The following AKAP13 variants were observed in gnomAD, a reference collection of about 807,000 sequenced individuals.
The protein encoded by AKAP13 is A-kinase anchor protein 13.
A neutral mutation model predicts 264.5 loss-of-function variants in AKAP13; 80 were observed. The ratio of observed to expected loss-of-function variants is 0.30; its 90% CI spans 0.25 to 0.36. AKAP13 has a LOEUF of 0.36. AKAP13 is among the 10% of genes least tolerant of loss of function. The pLI is 1.00. For synonymous variants in AKAP13, 1,380 were observed against 1,250.2 expected (o/e 1.10, Z -2.19); for missense variants, 3,712 against 3,435.2 (o/e 1.08, Z -2.01).
intron 2 of AKAP13, among the ~76,000 whole-genome samples, chr15:85,516,313 T>C (rs2076596046): frequency 6.6e-6 from 1 of 152,194 alleles, no homozygotes; most frequent in African/African-American, 2.4e-5. Context: ...TGTCCTCCAT[T>C]ATGGCATAAG....
intron 10 of AKAP13, among the ~76,000 whole-genome samples, chr15:85,652,477 G>T (rs192717754): frequency 2.6e-5 from 4 of 152,112 alleles, no homozygotes; most frequent in Non-Finnish European, 5.9e-5. Flanking sequence ...AGTCTTTTTT[G>T]TGTGTTTTAG....
chr15:85,580,114 G>T lies in AKAP13; in HGVS notation c.2046G>T (p.Leu682=). Residue 682 remains leucine (L), a synonymous_variant, in exon 7 of 37, where the codon CTG becomes CTT. Coordinates refer to ENST00000394518, the MANE Select transcript of AKAP13 (RefSeq NM_007200.5). ...CTAGTGGCGATTTGGTTGCAAAACT[G>T]TGTGATAACATAGTTAGCGAGTCCG... ...VTSSGDLVAK[L]CDNIVSESES... is the part of the protein sequence containing the mutation. 2 of 1,614,178 alleles carry T rather than the reference G, an allele frequency of 1.2e-6. No homozygotes were observed. Among genetic ancestry groups the T allele is most frequent in the Non-Finnish European group, 1.7e-6 (2 of 1,180,032 alleles).
At chr15:85,463,814 T>A (rs1295497643) in intron 1 of AKAP13, among the ~76,000 whole-genome samples, 1 of 151,992 alleles carries the variant, frequency 6.6e-6, no homozygotes, top group East Asian at 1.9e-4. Flanking sequence ...TACTTTTTTT[T>A]TTTTTCCCCC....
chr15:85,471,224 G>A (rs972765571), intron 1 of AKAP13, among the ~76,000 whole-genome samples: 6 of 152,262 alleles, frequency 3.9e-5, no homozygotes, highest in Admixed American at 6.5e-5. Flanking sequence ...GGCTGGGCGC[G>A]GTGGCTCACG....
At chr15:85,529,673 T>G (rs1485795516) in intron 3 of AKAP13, among the ~76,000 whole-genome samples, 2 of 152,224 alleles carry the variant, frequency 1.3e-5, no homozygotes, top group East Asian at 1.9e-4. Context: ...CACTTGAACC[T>G]AATGGAAAAC....
chr15:85,438,970 G>T (rs2073476402), intron 1 of AKAP13, among the ~76,000 whole-genome samples: 1 of 144,372 alleles, frequency 6.9e-6, no homozygotes, highest in African/African-American at 2.6e-5. Context: ...TGACAAATGG[G>T]ATCTAATTAA....
rs564958728 is a variant in AKAP13, at chr15:85,532,150, G to T, written c.182-1434G>T. On this transcript the variant is annotated intron_variant, in intron 3 of 36. Coordinates refer to ENST00000394518, the MANE Select transcript of AKAP13 (RefSeq NM_007200.5). ...ACTGTCAGATGCCTGGCGTGTGCTA[G>T]GTACTTGCTTGGTAAATGTTTCCTA... 2.0e-5 allele frequency among the ~76,000 whole-genome samples: 3 copies of T among 152,296 alleles called. No individual in the cohort carries two copies. In the South Asian group the frequency reaches 6.2e-4, roughly 32 times the overall value.
chr15:85,740,515 C>T, intron 34 of AKAP13: 2 of 502,098 alleles, frequency 4.0e-6, no homozygotes, highest in Admixed American at 3.3e-5. Context: ...AATCACATAG[C>T]ATGCTAACAT....
chr15:85,673,694 GGGA>G (rs2084053630), intron 14 of AKAP13, among the ~76,000 whole-genome samples: 1 of 84,144 alleles, frequency 1.2e-5, no homozygotes, highest in Non-Finnish European at 2.3e-5. Context: ...TTTTTTTTTG[GGGA>G]GACAGAACAG....
In AKAP13 at chr15:85,476,591, G is replaced by A. The variant is rs576127175; in HGVS notation, c.-11-9119G>A. ...TATGTATTCTCATTTTACAGATGAGGAAAATAAAGCTTGGTAGTTAAGTAA... is the reference window on the plus strand; with the variant it reads ...TATGTATTCTCATTTTACAGATGAGAAAAATAAAGCTTGGTAGTTAAGTAA... On this transcript the variant is annotated intron_variant, in intron 1 of 36. Transcript: ENST00000394518. 2.0e-5 allele frequency among the ~76,000 whole-genome samples: 3 copies of A among 152,278 alleles called. 1 individual carries two copies. The highest frequency in any genetic ancestry group is 7.2e-5 in the African/African-American group (3 of 41,542).
intron 22 of AKAP13, 52 bp from the exon 23 acceptor site, chr15:85,719,024 C>G (rs1186451854): frequency 1.8e-5 from 28 of 1,597,250 alleles, no homozygotes; most frequent in Admixed American, 3.4e-5. Context: ...TCTTTGAGGG[C>G]GAATGCTTAT....
chr15:85,725,699 G>A (rs573761112), intron 26 of AKAP13, among the ~76,000 whole-genome samples: 17 of 152,314 alleles, frequency 1.1e-4, no homozygotes, highest in Non-Finnish European at 2.2e-4. Flanking sequence ...CAACCTGCTA[G>A]CTCGAGATAG....
Position 85,581,081 on chromosome 15 carries a change from G to A in AKAP13, c.3013G>A (p.Val1005Ile), listed in dbSNP as rs200672143. The A allele has an allele frequency of 3.1e-6, 5 of 1,614,066 alleles. No individual in the cohort carries two copies. The African/African-American group carries it at 5.3e-5, about 17-fold the overall frequency. ...TEHNKEVAPQVSLLTQGGAAQ... is the reference protein window; with the variant it reads ...TEHNKEVAPQISLLTQGGAAQ... ...ACATAACAAGGAAGTGGCCCCACAA[G>A]TCTCACTGCTGACTCAAGGTGGGGC... is the stretch of plus-strand genomic sequence containing the variant. The change falls in exon 7 of 37, where the codon GTC becomes ATC. Residue 1005 changes from valine (V) to isoleucine (I), a missense_variant. Val to Ile is a conservative substitution (Grantham distance 29, BLOSUM62 3). Transcript: ENST00000394518.
At position 85,425,089 on chromosome 15, in the gene AKAP13, A is replaced by T. The variant is rs1192194233; in HGVS notation, c.-12+44291A>T. ...AGATGTTCGAAATATTGTGAGCATT[A>T]CCAAAACGTGACACAGAGGCATGAA... On this transcript the variant is annotated intron_variant, in intron 1 of 36. Transcript: ENST00000394518. Among the ~76,000 whole-genome samples the T allele has an allele frequency of 2.0e-5, 3 of 152,244 alleles. No homozygotes were observed. The East Asian group carries it at 5.8e-4, about 29-fold the overall frequency.
At chr15:85,558,833 A>G (rs561662003) in intron 5 of AKAP13, among the ~76,000 whole-genome samples, 2 of 152,140 alleles carry the variant, frequency 1.3e-5, no homozygotes, top group South Asian at 2.1e-4. Context: ...TGGTAATCCT[A>G]CAGGGTTTCT....
intron 6 of AKAP13, among the ~76,000 whole-genome samples, chr15:85,577,133 T>C (rs2079040806): frequency 6.6e-6 from 1 of 152,242 alleles, no homozygotes; most frequent in African/African-American, 2.4e-5. Context: ...TTGTACACTC[T>C]ACTAGAAAGA....
chr15:85,502,832 TCAGA>T (rs1346060328), intron 2 of AKAP13, among the ~76,000 whole-genome samples: 1 of 152,230 alleles, frequency 6.6e-6, no homozygotes, highest in African/African-American at 2.4e-5. Flanking sequence ...TGACACCTTT[TCAGA>T]CAGTTTCTTT....
chr15:85,705,009 A>G (rs1047860977), intron 17 of AKAP13, among the ~76,000 whole-genome samples: 1 of 152,226 alleles, frequency 6.6e-6, no homozygotes, highest in African/African-American at 2.4e-5. Flanking sequence ...TGTCCATGCA[A>G]ACTATCACTA....
At chr15:85,597,448 A>G (rs940433575) in intron 8 of AKAP13, among the ~76,000 whole-genome samples, 2 of 152,172 alleles carry the variant, frequency 1.3e-5, no homozygotes, top group Non-Finnish European at 2.9e-5. Context: ...GGAAATTCTT[A>G]AATAGGACCA....
Sources: allele counts gnomAD v4.1 joint callset (sites outside exome capture counted in the v4.1 genomes callset), GRCh38; gene constraint gnomAD v4.1.1; transcripts MANE v1.5; gene names NCBI Gene and HGNC (gene_info 2026-07-23, HGNC 2026-07-21).